ADD2: variants seen among roughly 807,000 people sequenced by gnomAD.
ADD2 encodes the protein beta-adducin.
In ADD2, 23 loss-of-function variants were observed where a neutral mutation model predicts 83.0. The ratio of observed to expected loss-of-function variants is 0.28; its 90% CI spans 0.20 to 0.39. The LOEUF is 0.39. Among genes scored for constraint, ADD2 ranks in the 10% least tolerant of loss-of-function variants. ADD2 has a pLI of 1.00. For missense variants in ADD2, 758 were observed against 944.9 expected (o/e 0.80, Z 2.59); for synonymous variants, 375 against 375.4 (o/e 1.00, Z 0.01).
At chr2:70,730,773 T>A (rs1553379173) in intron 1 of ADD2, among the ~76,000 whole-genome samples, 1 of 152,216 alleles carries the variant, frequency 6.6e-6, no homozygotes. Flanking sequence ...TTTACCGTAC[T>A]TTTTCTATGT....
At chr2:70,733,546 A>G (rs969682412) in intron 1 of ADD2, among the ~76,000 whole-genome samples, 1 of 152,252 alleles carries the variant, frequency 6.6e-6, no homozygotes, top group African/African-American at 2.4e-5. Flanking sequence ...GCCAGGCCAC[A>G]CAAATCATTG....
chr2:70,714,070 A>G (rs146156823), intron 1 of ADD2, among the ~76,000 whole-genome samples: 1 of 152,282 alleles, frequency 6.6e-6, no homozygotes, highest in East Asian at 1.9e-4. Flanking sequence ...TGAAGGAGGA[A>G]TATAAAGTTG....
chr2:70,672,830 G>A (rs782682210), intron 15 of ADD2, 48 bp downstream of exon 15: 2 of 1,562,352 alleles, frequency 1.3e-6, no homozygotes, highest in South Asian at 1.2e-5. Context: ...TTCCCAGCCT[G>A]CAGATGCACC....
intron 4 of ADD2, among the ~76,000 whole-genome samples, chr2:70,702,453 CA>C (rs1671639360): frequency 6.6e-6 from 1 of 152,214 alleles, no homozygotes; most frequent in African/African-American, 2.4e-5. Flanking sequence ...AGGCATGAAC[CA>C]TTGTGCCTGG....
intron 1 of ADD2, among the ~76,000 whole-genome samples, chr2:70,739,127 T>C (rs782313921): frequency 3.9e-5 from 6 of 152,088 alleles, no homozygotes; most frequent in Non-Finnish European, 5.9e-5. Flanking sequence ...GCAGAAATAT[T>C]TGCAAACAGT....
At chr2:70,731,315 C>A (rs1673270416) in intron 1 of ADD2, among the ~76,000 whole-genome samples, 1 of 152,204 alleles carries the variant, frequency 6.6e-6, no homozygotes. Flanking sequence ...ACACCTACTA[C>A]TGTCTCAGGA....
intron 4 of ADD2, among the ~76,000 whole-genome samples, chr2:70,703,550 T>A (rs1671723825): frequency 1.3e-5 from 2 of 152,220 alleles, no homozygotes; most frequent in Admixed American, 6.5e-5. Context: ...TAGTAATTTA[T>A]CTTAAGAAAA....
chr2:70,768,055 C>G lies in ADD2; in HGVS notation c.-323G>C, dbSNP rs1404490730. ...TCGTCAGAGCTGCTGGGAGATCCCC[C>G]AGCAGTGCAGCGGCTCCGCGGCGGC... On this transcript the variant is annotated 5_prime_UTR_variant, in exon 1 of 16. Coordinates refer to ENST00000264436, the MANE Select transcript of ADD2 (RefSeq NM_001617.4). The G allele has an allele frequency of 2.2e-6, 3 of 1,350,478 alleles. No homozygotes were observed. The highest frequency in any genetic ancestry group is 1.5e-5 in the African/African-American group (1 of 68,432). The allele number at this position is 1,350,478 out of a possible 1,614,324, so 83.7% of individuals were successfully genotyped here. A position where few individuals can be genotyped will look rare whatever the true frequency, so the allele number is the denominator to read the frequency against.
chr2:70,763,457 T>C (rs1278903458), intron 1 of ADD2, among the ~76,000 whole-genome samples: 2 of 152,044 alleles, frequency 1.3e-5, no homozygotes, highest in Non-Finnish European at 2.9e-5. Context: ...TTCAAAATGC[T>C]TAAACTATAT....
chr2:70,664,687 G>A (rs1261669915), intron 15 of ADD2, among the ~76,000 whole-genome samples: 1 of 152,196 alleles, frequency 6.6e-6, no homozygotes, highest in Admixed American at 6.6e-5. Flanking sequence ...ACTGAAAGGA[G>A]TGTGTGTGGG....
At chr2:70,709,073 T>G (rs1394983420) in intron 2 of ADD2, among the ~76,000 whole-genome samples, 1 of 152,210 alleles carries the variant, frequency 6.6e-6, no homozygotes, top group Non-Finnish European at 1.5e-5. Context: ...TTAAGTTTAA[T>G]TCATCTAAAA....
chr2:70,740,504 A>G (rs1157470029), intron 1 of ADD2, among the ~76,000 whole-genome samples: 1 of 152,220 alleles, frequency 6.6e-6, no homozygotes, highest in Non-Finnish European at 1.5e-5. Context: ...CACTGCAAGC[A>G]TGCAGAGCAG....
intron 1 of ADD2, among the ~76,000 whole-genome samples, chr2:70,764,778 C>T (rs1439771151): frequency 6.6e-6 from 1 of 151,246 alleles, no homozygotes; most frequent in East Asian, 2.0e-4. Context: ...AGCAAGATCC[C>T]TACTCAAACA....
chr2:70,745,543 C>T (rs1261001748), intron 1 of ADD2, among the ~76,000 whole-genome samples: 2 of 152,140 alleles, frequency 1.3e-5, no homozygotes, highest in African/African-American at 4.8e-5. Flanking sequence ...CACAGTGTTT[C>T]TAACATCCCC....
chr2:70,663,613 C>G lies in ADD2; in HGVS notation c.1993G>C (p.Gly665Arg), dbSNP rs377759274. The G allele has an allele frequency of 7.4e-6, 12 of 1,614,150 alleles. No homozygotes were observed. The African/African-American group carries it at 1.5e-4, about 20-fold the overall frequency. Residue 665 changes from glycine (G) to arginine (R), a missense_variant, in exon 16 of 16, where the codon GGC becomes CGC. Transcript: ENST00000264436. ...EQTAEEILSKGLSQMTTSADT... is the reference protein window; with the variant it reads ...EQTAEEILSKRLSQMTTSADT... ...GCACTGGTGGTCATCTGGCTCAGGCCTTTGCTGAGGATTTCCTCTGCCGTC... is the reference window on the plus strand; with the variant it reads ...GCACTGGTGGTCATCTGGCTCAGGCGTTTGCTGAGGATTTCCTCTGCCGTC...
At chr2:70,712,145 T>G (rs1672212029) in intron 2 of ADD2, among the ~76,000 whole-genome samples, 2 of 152,092 alleles carry the variant, frequency 1.3e-5, no homozygotes, top group Non-Finnish European at 2.9e-5. Context: ...CAGTTTTACT[T>G]GAACAAAATA....
intron 10 of ADD2, among the ~76,000 whole-genome samples, chr2:70,683,228 T>C (rs1553369864): frequency 6.6e-6 from 1 of 151,962 alleles, no homozygotes; most frequent in Non-Finnish European, 1.5e-5. Context: ...AGTGTTTCAC[T>C]GCATTAGCCA....
chr2:70,767,561 G>T, intron 1 of ADD2: 1 of 1,072,294 alleles, frequency 9.3e-7, no homozygotes, highest in Non-Finnish European at 1.2e-6. Context: ...TAGGCGAGGC[G>T]AGGCTTGCCG....
intron 8 of ADD2, among the ~76,000 whole-genome samples, chr2:70,688,555 T>C (rs1553370952): frequency 1.3e-5 from 2 of 152,212 alleles, no homozygotes; most frequent in East Asian, 3.8e-4. Flanking sequence ...AATACAGAGT[T>C]CCCACCTCAA....
Sources: allele counts gnomAD v4.1 joint callset (sites outside exome capture counted in the v4.1 genomes callset), GRCh38; gene constraint gnomAD v4.1.1; transcripts MANE v1.5; gene names NCBI Gene and HGNC (gene_info 2026-07-23, HGNC 2026-07-21).